PSD3: variants seen among roughly 807,000 people sequenced by gnomAD.
PSD3 encodes pleckstrin and Sec7 domain containing 3.
A neutral mutation model predicts 105.5 loss-of-function variants in PSD3; 49 were observed. That is an observed-to-expected ratio of 0.46 (90% CI 0.37 to 0.59). The LOEUF is 0.59. PSD3 is among the 20% of genes least tolerant of loss of function. The probability of loss-of-function intolerance (pLI) is 0.00; values close to 1 mark genes in which losing one functional copy is unlikely to be tolerated. For synonymous variants in PSD3, 557 were observed against 457.8 expected (o/e 1.22, Z -2.77); for missense variants, 1,561 against 1,263.8 (o/e 1.24, Z -3.57).
At chr8:18,716,306 A>G (rs956463194) in intron 9 of PSD3, among the ~76,000 whole-genome samples, 10 of 152,222 alleles carry the variant, frequency 6.6e-5, no homozygotes, top group African/African-American at 1.7e-4. Context: ...TCAAACCACA[A>G]CCAGAACCTG....
chr8:18,808,919 T>G, intron 4 of PSD3: 12 of 1,508,862 alleles, frequency 8.0e-6, no homozygotes, highest in Non-Finnish European at 1.1e-5. Context: ...GTCACACTAC[T>G]ATGACCTCAC....
At chr8:18,911,625 G>A (rs1000452384) in intron 2 of PSD3, among the ~76,000 whole-genome samples, 12 of 152,172 alleles carry the variant, frequency 7.9e-5, no homozygotes, top group African/African-American at 2.9e-4. Context: ...TAATAATGAT[G>A]TAAGAGCGTT....
intron 1 of PSD3, among the ~76,000 whole-genome samples, chr8:18,987,859 G>A (rs1051853371): frequency 2.6e-5 from 4 of 152,028 alleles, no homozygotes; most frequent in African/African-American, 9.7e-5. Context: ...TTTGCAAAAT[G>A]AGCTGCAATT....
chr8:18,801,586 T>G (rs942411313), intron 6 of PSD3, among the ~76,000 whole-genome samples: 14 of 152,174 alleles, frequency 9.2e-5, no homozygotes, highest in African/African-American at 3.4e-4. Flanking sequence ...TAAAAAGCAC[T>G]GTGGGAGGCC....
chr8:18,583,549 C>T (rs2130431622), intron 12 of PSD3, among the ~76,000 whole-genome samples: 1 of 152,326 alleles, frequency 6.6e-6, no homozygotes, highest in South Asian at 2.1e-4. Context: ...GCCTCAAACA[C>T]CACTGAACCT....
chr8:18,567,601 G>C (rs1290475755), intron 14 of PSD3, among the ~76,000 whole-genome samples: 1 of 152,118 alleles, frequency 6.6e-6, no homozygotes, highest in Non-Finnish European at 1.5e-5. Context: ...ATATGTTAAT[G>C]ATAATTATGA....
chr8:18,827,540 G>T (rs900500555), intron 4 of PSD3, among the ~76,000 whole-genome samples: 5 of 152,182 alleles, frequency 3.3e-5, no homozygotes, highest in African/African-American at 1.2e-4. Flanking sequence ...TATGGAAGGT[G>T]ACTGGATTAA....
At chr8:18,631,026 G>C (rs59706981) in intron 11 of PSD3, among the ~76,000 whole-genome samples, 4,030 of 151,910 alleles carry the variant, frequency 0.027, 92 homozygotes, top group East Asian at 0.089. Context: ...AAGGGACAAC[G>C]GTATTTTCGT....
chr8:18,760,756 A>G (rs1401862552), intron 9 of PSD3, among the ~76,000 whole-genome samples: 1 of 152,162 alleles, frequency 6.6e-6, no homozygotes, highest in Non-Finnish European at 1.5e-5. Context: ...ACTAGTTGGT[A>G]TCAGCCGCTG....
intron 11 of PSD3, 151 bp from the exon 12 acceptor site, chr8:18,600,585 G>T: frequency 1.6e-6 from 1 of 629,830 alleles, no homozygotes; most frequent in Non-Finnish European, 2.7e-6. Context: ...GCCTTATGGT[G>T]TACCAGGCGG....
At chr8:18,962,599 T>G (rs1048219595) in intron 1 of PSD3, among the ~76,000 whole-genome samples, 7 of 152,182 alleles carry the variant, frequency 4.6e-5, no homozygotes, top group Non-Finnish European at 1.0e-4. Context: ...TGGGTTAGAG[T>G]TATTCCAATT....
intron 4 of PSD3, among the ~76,000 whole-genome samples, chr8:18,821,706 CA>C (rs1812728020): frequency 7.1e-6 from 1 of 140,616 alleles, no homozygotes; most frequent in Non-Finnish European, 1.6e-5. Flanking sequence ...CACACACACA[CA>C]CACACACACA....
chr8:18,659,162 A>G (rs1415995049), intron 9 of PSD3, among the ~76,000 whole-genome samples: 4 of 152,176 alleles, frequency 2.6e-5, no homozygotes, highest in Non-Finnish European at 5.9e-5. Context: ...TGACCTAGCC[A>G]CTAATAATCC....
chr8:18,713,953 A>G (rs1004890306), intron 9 of PSD3, among the ~76,000 whole-genome samples: 2 of 152,196 alleles, frequency 1.3e-5, no homozygotes, highest in Non-Finnish European at 2.9e-5. Flanking sequence ...AATGGAACAG[A>G]AAGAGAACTC....
At chr8:18,793,243 G>A (rs1462919119) in intron 8 of PSD3, among the ~76,000 whole-genome samples, 1 of 151,874 alleles carries the variant, frequency 6.6e-6, no homozygotes, top group Non-Finnish European at 1.5e-5. Context: ...AACAGGTGCA[G>A]CACACCAACA....
In PSD3 at chr8:18,888,547, A is replaced by G. The variant is rs567525989; in HGVS notation, c.131-15814T>C. Among the ~76,000 whole-genome samples, 4 of 152,276 alleles carry G rather than the reference A, an allele frequency of 2.6e-5. No individual in the cohort carries two copies. The South Asian group carries it at 8.3e-4, about 32-fold the overall frequency. On this transcript the variant is annotated intron_variant, in intron 2 of 15. Coordinates refer to ENST00000327040, the MANE Select transcript of PSD3 (RefSeq NM_015310.4). Reference sequence around the variant, plus strand: ...GACTAAATGAACTGTACATAGAAATACATAAAGCACTCAGAGTAGCAACCA... The same window carrying G: ...GACTAAATGAACTGTACATAGAAATGCATAAAGCACTCAGAGTAGCAACCA...
chr8:18,796,553 A>G (rs985652197), intron 8 of PSD3, among the ~76,000 whole-genome samples: 8 of 152,200 alleles, frequency 5.3e-5, no homozygotes, highest in Admixed American at 4.6e-4. Flanking sequence ...TTTTATTAGT[A>G]AGGAAATTAG....
chr8:19,024,412 T>C (rs1186763550), intron 1 of PSD3, among the ~76,000 whole-genome samples: 1 of 152,180 alleles, frequency 6.6e-6, no homozygotes, highest in Non-Finnish European at 1.5e-5. Flanking sequence ...CAGGGGCCTC[T>C]GAAATGTTGA....
intron 4 of PSD3, among the ~76,000 whole-genome samples, chr8:18,805,517 C>A (rs1217578181): frequency 6.6e-6 from 1 of 152,042 alleles, no homozygotes; most frequent in Non-Finnish European, 1.5e-5. Context: ...TGATACAACA[C>A]CAAAGTGAGA....
Sources: allele counts gnomAD v4.1 joint callset (sites outside exome capture counted in the v4.1 genomes callset), GRCh38; gene constraint gnomAD v4.1.1; transcripts MANE v1.5; gene names NCBI Gene and HGNC (gene_info 2026-07-23, HGNC 2026-07-21).